Variants in HEMK2 observed in about 807,000 individuals in gnomAD.
HEMK2 encodes methyltransferase HEMK2.
the HEMK2 span, among the ~76,000 whole-genome samples, chr21:28,870,265 TC>T: frequency 6.6e-6 from 1 of 152,194 alleles, no homozygotes; most frequent in Non-Finnish European, 1.5e-5. Flanking sequence ...CAAGCACAGT[TC>T]CCCCCAATTA....
At chr21:28,741,459 G>A in the HEMK2 span, among the ~76,000 whole-genome samples, 1 of 152,130 alleles carries the variant, frequency 6.6e-6, no homozygotes, top group Admixed American at 6.5e-5. Flanking sequence ...GTAAACTTGT[G>A]TCATGGGGGT....
At chr21:28,841,406 A>AAATAT in the HEMK2 span, among the ~76,000 whole-genome samples, 8 of 34,456 alleles carry the variant, frequency 2.3e-4, no homozygotes, top group African/African-American at 1.4e-3. Context: ...TATATATATA[A>AAATAT]TATATATATT....
chr21:28,736,700 G>C, the HEMK2 span, among the ~76,000 whole-genome samples: 1 of 152,046 alleles, frequency 6.6e-6, no homozygotes, highest in Non-Finnish European at 1.5e-5. Flanking sequence ...GGGAGGCAGA[G>C]GTTGCTTTGA....
chr21:28,800,605 T>G, the HEMK2 span, among the ~76,000 whole-genome samples: 2 of 152,166 alleles, frequency 1.3e-5, no homozygotes, highest in African/African-American at 4.8e-5. Flanking sequence ...ATATTGTGCA[T>G]GTGTATGCCT....
At chr21:28,860,005 T>C in the HEMK2 span, among the ~76,000 whole-genome samples, 53 of 152,212 alleles carry the variant, frequency 3.5e-4, no homozygotes, top group Non-Finnish European at 6.5e-4. Flanking sequence ...TATTTGAAGA[T>C]AATGCATGAT....
At chr21:28,677,847 G>A in the HEMK2 span, among the ~76,000 whole-genome samples, 1 of 152,228 alleles carries the variant, frequency 6.6e-6, no homozygotes, top group Non-Finnish European at 1.5e-5. Context: ...CTGAGTGTTA[G>A]AAGGAAAACT....
chr21:28,845,724 C>T, the HEMK2 span, among the ~76,000 whole-genome samples: 43 of 152,024 alleles, frequency 2.8e-4, no homozygotes, highest in Non-Finnish European at 7.4e-5. Context: ...ATTTTGTTAA[C>T]ACAGAGATAA....
the HEMK2 span, among the ~76,000 whole-genome samples, chr21:28,775,547 T>C: frequency 1.3e-5 from 2 of 151,994 alleles, no homozygotes; most frequent in Non-Finnish European, 1.5e-5. Flanking sequence ...ATAGAAAGAA[T>C]GTAAAGGAGA....
At chr21:28,812,138 T>C in the HEMK2 span, among the ~76,000 whole-genome samples, 3 of 152,216 alleles carry the variant, frequency 2.0e-5, no homozygotes, top group Non-Finnish European at 4.4e-5. Flanking sequence ...ATTTGTGGTC[T>C]AGCCAGAAGT....
chr21:28,705,946 G>C, the HEMK2 span, among the ~76,000 whole-genome samples: 1 of 152,164 alleles, frequency 6.6e-6, no homozygotes, highest in African/African-American at 2.4e-5. Context: ...CTGCTCTTAA[G>C]ATTAGCTTGA....
At chr21:28,845,854 T>C in the HEMK2 span, among the ~76,000 whole-genome samples, 2 of 152,054 alleles carry the variant, frequency 1.3e-5, no homozygotes, top group Non-Finnish European at 2.9e-5. Context: ...ATGGGTAAAT[T>C]GTGTGTCATG....
chr21:28,872,354 C>A, the HEMK2 span: 1 of 152,180 alleles, frequency 6.6e-6, no homozygotes, highest in African/African-American at 2.4e-5. Context: ...CGTGGCTCCA[C>A]CCCATGTGTG....
chr21:28,679,626 C>A, the HEMK2 span, among the ~76,000 whole-genome samples: 3 of 152,120 alleles, frequency 2.0e-5, no homozygotes, highest in Non-Finnish European at 4.4e-5. Flanking sequence ...CGCACTTATT[C>A]CAAAATTGAC....
At chr21:28,637,842 A>T in the HEMK2 span, among the ~76,000 whole-genome samples, 86 of 152,310 alleles carry the variant, frequency 5.6e-4, no homozygotes, top group African/African-American at 2.0e-3. Flanking sequence ...GAGAAAAAAA[A>T]TTCTCTGTGT....
At chr21:28,765,947 A>G in the HEMK2 span, among the ~76,000 whole-genome samples, 1 of 152,150 alleles carries the variant, frequency 6.6e-6, no homozygotes, top group Non-Finnish European at 1.5e-5. Flanking sequence ...CATAATTCAC[A>G]TATACACCAT....
At chr21:28,590,221 A>G in the HEMK2 span, among the ~76,000 whole-genome samples, 26 of 152,204 alleles carry the variant, frequency 1.7e-4, no homozygotes, top group Admixed American at 1.5e-3. Flanking sequence ...AAGATTGATA[A>G]GAAAAAGAGG....
chr21:28,596,631 T>C, the HEMK2 span, among the ~76,000 whole-genome samples: 2 of 152,234 alleles, frequency 1.3e-5, no homozygotes, highest in African/African-American at 2.4e-5. Flanking sequence ...CAAATCTTGA[T>C]TTATTTTTCT....
chr21:28,631,689 G>A, the HEMK2 span, among the ~76,000 whole-genome samples: 1 of 151,652 alleles, frequency 6.6e-6, no homozygotes, highest in East Asian at 1.9e-4. Context: ...TCTCATATAA[G>A]TCTACTGATT....
the HEMK2 span, among the ~76,000 whole-genome samples, chr21:28,576,412 T>C: frequency 6.6e-6 from 1 of 152,310 alleles, no homozygotes; most frequent in South Asian, 2.1e-4. Context: ...TCAGTTTTTT[T>C]CCCTATTTTA....
Sources: gnomAD v4.1 joint callset for allele counts (sites outside exome capture counted in the v4.1 genomes callset) on GRCh38, gnomAD v4.1.1 for gene constraint, MANE v1.5 for transcripts, NCBI Gene and HGNC (gene_info 2026-07-23, HGNC 2026-07-21) for gene names.